PTPRG: variants seen among roughly 807,000 people sequenced by gnomAD.
The protein encoded by PTPRG is receptor-type tyrosine-protein phosphatase gamma.
In PTPRG, 102 loss-of-function variants were observed where a neutral mutation model predicts 165.3. The ratio of observed to expected loss-of-function variants is 0.62; its 90% confidence interval spans 0.53 to 0.73. The LOEUF (loss-of-function observed/expected upper bound fraction) is 0.73, where lower values mean the gene tolerates loss of function less well. Among genes scored for constraint, PTPRG ranks in the 30% least tolerant of loss-of-function variants. The pLI is 0.00. For synonymous variants in PTPRG, 675 were observed against 669.5 expected, an observed-to-expected ratio of 1.01 and a Z score of -0.13; for missense variants, 1,866 against 1,861.4, an observed-to-expected ratio of 1.00 and a Z score of -0.05.
intron 2 of PTPRG, among the ~76,000 whole-genome samples, chr3:61,847,388 G>C (rs560523621): frequency 6.6e-6 from 1 of 152,212 alleles, no homozygotes; most frequent in South Asian, 2.1e-4. Context: ...TCTGAGAAGG[G>C]CCCAGTGCTG....
intron 2 of PTPRG, among the ~76,000 whole-genome samples, chr3:61,835,164 T>C (rs1401918966): frequency 6.6e-6 from 1 of 152,220 alleles, no homozygotes; most frequent in Non-Finnish European, 1.5e-5. Context: ...AGGTGTCTCA[T>C]TGTGGCAGAG....
intron 2 of PTPRG, among the ~76,000 whole-genome samples, chr3:61,954,822 T>C (rs1438704380): frequency 6.6e-6 from 1 of 152,208 alleles, no homozygotes; most frequent in Non-Finnish European, 1.5e-5. Flanking sequence ...CTCAATGAGA[T>C]GTGGAGTTGG....
At chr3:61,579,554 T>G (rs1230905919) in intron 1 of PTPRG, among the ~76,000 whole-genome samples, 1 of 152,192 alleles carries the variant, frequency 6.6e-6, no homozygotes, top group Non-Finnish European at 1.5e-5. Flanking sequence ...GGTGTAAAAG[T>G]TGAGGTTTTG....
chr3:62,193,871 A>G (rs1407318974), intron 9 of PTPRG, among the ~76,000 whole-genome samples: 3 of 152,242 alleles, frequency 2.0e-5, no homozygotes, highest in Non-Finnish European at 4.4e-5. Flanking sequence ...TTTGATGATA[A>G]GACAACTCAT....
intron 2 of PTPRG, among the ~76,000 whole-genome samples, chr3:61,869,747 T>TTTTTTGTTTTG (rs1553684167): frequency 6.6e-6 from 1 of 151,176 alleles, no homozygotes; most frequent in Non-Finnish European, 1.5e-5. Flanking sequence ...CCTGGCTAAT[T>TTTTTTGTTTTG]TTTTGTTTTG....
At chr3:61,888,780 C>T (rs974158126) in intron 2 of PTPRG, among the ~76,000 whole-genome samples, 2 of 152,178 alleles carry the variant, frequency 1.3e-5, no homozygotes, top group Non-Finnish European at 2.9e-5. Context: ...TCTTCCCAAG[C>T]CAGATCATAC....
intron 3 of PTPRG, among the ~76,000 whole-genome samples, chr3:61,990,216 C>T (rs182330120): frequency 6.6e-6 from 1 of 152,046 alleles, no homozygotes; most frequent in African/African-American, 2.4e-5. Flanking sequence ...GTACATTTCA[C>T]GTGCTTATCT....
intron 5 of PTPRG, among the ~76,000 whole-genome samples, chr3:62,126,225 A>T (rs910668805): frequency 1.3e-5 from 2 of 152,042 alleles, no homozygotes; most frequent in African/African-American, 2.4e-5. Flanking sequence ...GATGGTAAAT[A>T]CTCTGGTGGG....
At chr3:62,100,943 A>G (rs907354109) in intron 5 of PTPRG, among the ~76,000 whole-genome samples, 1 of 152,136 alleles carries the variant, frequency 6.6e-6, no homozygotes, top group African/African-American at 2.4e-5. Flanking sequence ...CTTCTTTTAT[A>G]TGTAATATTC....
intron 2 of PTPRG, among the ~76,000 whole-genome samples, chr3:61,939,209 T>C (rs2039552288): frequency 6.6e-6 from 1 of 152,172 alleles, no homozygotes; most frequent in Non-Finnish European, 1.5e-5. Context: ...AATAAAACAC[T>C]GTTTTCTGAT....
intron 4 of PTPRG, among the ~76,000 whole-genome samples, chr3:62,051,593 C>A (rs1700471544): frequency 6.6e-6 from 1 of 152,152 alleles, no homozygotes; most frequent in Non-Finnish European, 1.5e-5. Context: ...AATTTCTAAT[C>A]TTGTTCCTAG....
Position 61,866,582 on chromosome 3 carries a change from C to CTTTTTTTTTTT in PTPRG, c.190+117626_190+117636dup, listed in dbSNP as rs532356516. Among the ~76,000 whole-genome samples, 39 of 69,110 alleles carry CTTTTTTTTTTT rather than the reference C, an allele frequency of 5.6e-4. 7 individuals carry two copies. Among genetic ancestry groups the CTTTTTTTTTTT allele is most frequent in the Non-Finnish European group, 8.1e-4 (27 of 33,140 alleles). 45.3% of individuals were successfully genotyped at this position (69,110 alleles called of 152,430 possible). A position where few individuals can be genotyped will look rare whatever the true frequency, so the allele number is the denominator to read the frequency against. On this transcript the variant is annotated intron_variant, in intron 2 of 29. Transcript: ENST00000474889. ...TTCCCTGGCTTTGGAACTGTTTGCT[C>CTTTTTTTTTTT]TTTTTTTTTTTTTTTTTTTTTTTTT...
intron 4 of PTPRG, among the ~76,000 whole-genome samples, chr3:62,017,300 G>GT: frequency 6.6e-6 from 1 of 152,214 alleles, no homozygotes; most frequent in Admixed American, 6.5e-5. Context: ...TACCCCAAAA[G>GT]TATGTCTTGT....
intron 4 of PTPRG, among the ~76,000 whole-genome samples, chr3:62,075,041 A>G (rs917441910): frequency 1.3e-5 from 2 of 152,244 alleles, no homozygotes; most frequent in Non-Finnish European, 2.9e-5. Context: ...GAAAAATAGT[A>G]AGAAAAATAG....
intron 1 of PTPRG, among the ~76,000 whole-genome samples, chr3:61,600,188 A>ATGTGTGTGTGTGTGTG (rs1372886923): frequency 0.027 from 3,544 of 132,706 alleles, 51 homozygotes; most frequent in East Asian, 0.047. Flanking sequence ...ATATATATAT[A>ATGTGTGTGTGTGTGTG]TATATGTGTG....
intron 2 of PTPRG, among the ~76,000 whole-genome samples, chr3:61,842,265 T>G (rs2036659831): frequency 6.6e-6 from 1 of 152,188 alleles, no homozygotes; most frequent in African/African-American, 2.4e-5. Context: ...CGTTTCTTAT[T>G]GCTTCTAAAG....
At chr3:62,055,297 A>G (rs1559770137) in intron 4 of PTPRG, among the ~76,000 whole-genome samples, 1 of 152,206 alleles carries the variant, frequency 6.6e-6, no homozygotes, top group Non-Finnish European at 1.5e-5. Flanking sequence ...AAATTGCAAA[A>G]TGTGTTAAAA....
intron 2 of PTPRG, among the ~76,000 whole-genome samples, chr3:61,837,390 G>A (rs948146720): frequency 2.0e-5 from 3 of 152,174 alleles, no homozygotes; most frequent in Non-Finnish European, 2.9e-5. Flanking sequence ...CCTTTTGACA[G>A]TTACCCAGTA....
intron 1 of PTPRG, among the ~76,000 whole-genome samples, chr3:61,579,609 C>T (rs1472436394): frequency 2.0e-5 from 3 of 152,206 alleles, no homozygotes; most frequent in Admixed American, 2.0e-4. Flanking sequence ...TGGAAAGCGG[C>T]GAAAGCCAGG....
Sources: allele counts gnomAD v4.1 joint callset (sites outside exome capture counted in the v4.1 genomes callset), GRCh38; gene constraint gnomAD v4.1.1; transcripts MANE v1.5; gene names NCBI Gene and HGNC (gene_info 2026-07-23, HGNC 2026-07-21).